Variants in TYK2 observed in about 807,000 individuals in gnomAD.
TYK2 encodes the protein non-receptor tyrosine-protein kinase TYK2.
A neutral mutation model predicts 130.9 loss-of-function variants in TYK2; 65 were observed. That is an observed-to-expected ratio of 0.50 (90% CI 0.41 to 0.61). The LOEUF (loss-of-function observed/expected upper bound fraction) is 0.61, where lower values mean the gene tolerates loss of function less well. Ranked by LOEUF, TYK2 falls within the 20% of genes least tolerant of loss-of-function variation. The pLI, the probability that TYK2 is intolerant of heterozygous loss-of-function variation, is 0.00. For missense variants in TYK2, 1,378 were observed against 1,610.7 expected, an observed-to-expected ratio of 0.86 and a Z score of 2.47; for synonymous variants, 647 against 658.9, an observed-to-expected ratio of 0.98 and a Z score of 0.28.
chr19:10,367,624 C>CA (rs1028108393), intron 5 of TYK2, among the ~76,000 whole-genome samples: 35 of 146,034 alleles, frequency 2.4e-4, no homozygotes, highest in African/African-American at 3.5e-4. Context: ...GACTCCATTT[C>CA]AAAAAAAAAA....
At chr19:10,363,765 C>T (rs1326158094) in intron 9 of TYK2, among the ~76,000 whole-genome samples, 6 of 152,214 alleles carry the variant, frequency 3.9e-5, no homozygotes, top group African/African-American at 7.2e-5. Flanking sequence ...GTCCAGACAC[C>T]TACATGTGCA....
chr19:10,359,415 G>C, intron 14 of TYK2, 113 bp from the exon 15 acceptor site: 1 of 1,311,294 alleles, frequency 7.6e-7, no homozygotes, highest in Non-Finnish European at 1.1e-6. Context: ...AGGTGTCAGG[G>C]CAGAGGTGTG....
At chr19:10,376,533 C>T (rs1284305780) in intron 3 of TYK2, among the ~76,000 whole-genome samples, 2 of 122,998 alleles carry the variant, frequency 1.6e-5, no homozygotes, top group East Asian at 4.7e-4. Context: ...GTCTTGAACT[C>T]CTGATCTCAG....
At position 10,356,712 on chromosome 19, in the gene TYK2, G is replaced by A. The variant is rs1271530022; in HGVS notation, c.2473C>T (p.His825Tyr). 2 of 1,606,968 alleles carry A rather than the reference G, an allele frequency of 1.2e-6. No individual in the cohort carries two copies. Among genetic ancestry groups the A allele is most frequent in the Non-Finnish European group, 8.5e-7 (1 of 1,177,062 alleles). ...AGCCGGTGCTGCCTCTGGTAGAAAT[G>A]CTCCTTCTGTTGGGAAAGGGACCCA... ...LQSRSPSEKE[H>Y]FYQRQHRLPE... Residue 825 changes from histidine to tyrosine, a missense_variant, in exon 18 of 25, where the codon CAT (histidine) becomes TAT (tyrosine). Physicochemically the swap from His to Tyr is moderately conservative, Grantham distance 83 (BLOSUM62 2). Transcript: ENST00000525621.
chr19:10,371,359 G>A (rs1175650039), intron 3 of TYK2, among the ~76,000 whole-genome samples: 1 of 151,726 alleles, frequency 6.6e-6, no homozygotes, highest in Non-Finnish European at 1.5e-5. Flanking sequence ...TATGAACTGT[G>A]GCTGGGCACA....
intron 3 of TYK2, among the ~76,000 whole-genome samples, chr19:10,377,060 C>A (rs2042146203): frequency 1.3e-5 from 2 of 152,012 alleles, no homozygotes; most frequent in South Asian, 4.1e-4. Flanking sequence ...TACCACCATG[C>A]CTGGCTAATT....
Position 10,357,826 on chromosome 19 carries a change from C to T in TYK2, c.2404G>A (p.Ala802Thr), listed in dbSNP as rs148148659. ...STAMDKWGFGATLLEICFDGE... is the reference protein window; with the variant it reads ...STAMDKWGFGTTLLEICFDGE... The stretch of plus-strand genomic sequence containing the variant: ...TCAAAGCAGATCTCCAGGAGGGTGG[C>T]GCCAAACCCCCACTTGTCCATGGCG... Residue 802 changes from alanine to threonine, a missense_variant, in exon 17 of 25, where the codon GCC (alanine) becomes ACC (threonine). Transcript: ENST00000525621. 36 of 1,613,572 alleles carry T rather than the reference C, an allele frequency of 2.2e-5. No homozygotes were observed. Among genetic ancestry groups the T allele is most frequent in the South Asian group, 1.1e-4 (10 of 91,088 alleles).
chr19:10,379,105 C>T (rs775709888), intron 2 of TYK2, among the ~76,000 whole-genome samples: 3 of 151,988 alleles, frequency 2.0e-5, no homozygotes, highest in Non-Finnish European at 4.4e-5. Context: ...GTGATCCACC[C>T]GCCTCGGCCT....
Position 10,361,118 on chromosome 19 carries a change from C to A in TYK2, c.2047+393G>T. ...GTGGGGTTAGGCAGGGTTGGATGTGCAGGGGCTGAGGCCTAGGAGAATCAG... is the reference window on the plus strand; with the variant it reads ...GTGGGGTTAGGCAGGGTTGGATGTGAAGGGGCTGAGGCCTAGGAGAATCAG... On this transcript the variant is annotated intron_variant, in intron 14 of 24. Coordinates refer to ENST00000525621, the MANE Select transcript of TYK2 (RefSeq NM_003331.5). This position sits in a 1 kb window ranked among gnomAD's most constrained non-coding sequence, Gnocchi z 4.0. The A allele has an allele frequency of 4.1e-6, 2 of 491,646 alleles. No individual in the cohort carries two copies. Among genetic ancestry groups the A allele is most frequent in the South Asian group, 1.6e-5 (1 of 61,522 alleles). 30.5% of individuals were successfully genotyped at this position (491,646 alleles called of 1,614,324 possible).
rs377517686 is a variant in TYK2 at position 10,365,505 on chromosome 19, C to A, written c.1011+12G>T. On this transcript the variant is annotated intron_variant, in intron 7 of 24. Transcript: ENST00000525621. ...ACCTGAACCCCCAGGGCGGAAGGGG[C>A]GCCTTGCTCACCTCCTCCTTGTTCA... 1.4e-5 allele frequency: 23 copies of A among 1,613,488 alleles called. No individual in the cohort carries two copies. The highest frequency in any genetic ancestry group is 5.0e-5 in the Admixed American group (3 of 60,000).
Position 10,362,249 on chromosome 19 carries a change from C to T in TYK2, c.1669+15G>A. 1 of 1,613,564 alleles carries T rather than the reference C, an allele frequency of 6.2e-7. No individual in the cohort carries two copies. Among genetic ancestry groups the T allele is most frequent in the Non-Finnish European group, 8.5e-7 (1 of 1,179,568 alleles). On this transcript the variant is annotated intron_variant, in intron 11 of 24. Transcript: ENST00000525621. ...AGATGCCACATCCCACCCAGAGGTC[C>T]CCCTATCATCGTACCTCCTGGTTGG...
At position 10,379,723 on chromosome 19, in the gene TYK2, A is replaced by G. The variant is rs940401573; in HGVS notation, c.-129T>C. On this transcript the variant is annotated 5_prime_UTR_variant, in exon 2 of 25. Transcript: ENST00000525621. ...GGGAGGTCCTCAGGGTGTTGCCATC[A>G]AAAGATGGTTGTAATGTTTCAATAT... 6.6e-6 allele frequency: 1 copy of G among 152,250 alleles called. No homozygotes were observed. The highest frequency in any genetic ancestry group is 3.2e-3 in the Middle Eastern group (1 of 316). 9.4% of individuals were successfully genotyped at this position (152,250 alleles called of 1,614,324 possible).
chr19:10,356,809 G>A (rs191473709), intron 17 of TYK2, 91 bp from the exon 18 acceptor site: 81 of 1,353,640 alleles, frequency 6.0e-5, no homozygotes, highest in African/African-American at 2.3e-4. Flanking sequence ...AGAGTGGACC[G>A]CCAGGTGCCC....
chr19:10,353,442 G>T lies in TYK2; in HGVS notation c.3027+86C>A. ...GGGCAAACGAGCAGGGGCGGAGCGT[G>T]AGAGCAGACTGCACCGGATCGCTCA... On this transcript the variant is annotated intron_variant, in intron 21 of 24. Transcript: ENST00000525621. The surrounding 1 kb of genome is among the most constrained non-coding windows in gnomAD (Gnocchi z 6.9). The T allele has an allele frequency of 2.1e-6, 2 of 951,750 alleles. No homozygotes were observed. Among genetic ancestry groups the T allele is most frequent in the Non-Finnish European group, 3.0e-6 (2 of 663,302 alleles). The allele number at this position is 951,750 out of a possible 1,614,324, so 59.0% of individuals were successfully genotyped here. A position where few individuals can be genotyped will look rare whatever the true frequency, so the allele number is the denominator to read the frequency against.
At chr19:10,352,699 C>T in intron 22 of TYK2, 148 bp from the exon 23 acceptor site, 2 of 721,376 alleles carry the variant, frequency 2.8e-6, no homozygotes, top group Non-Finnish European at 4.6e-6. Flanking sequence ...GGGTGATATG[C>T]TCATTGGCTA....
rs770604675 is a variant in TYK2, at chr19:10,364,659, G to T, written c.1322C>A (p.Pro441Gln). The T allele has an allele frequency of 3.1e-6, 5 of 1,613,786 alleles. No homozygotes were observed. The highest frequency in any genetic ancestry group is 1.7e-6 in the Non-Finnish European group (2 of 1,179,996). ...ATCCCGGATGCTCATCACCAGCCGT[G>T]GGGGAGCCACCTCGTGGCACAGGTA... ...SHYLCHEVAP[P>Q]RLVMSIRDGI... Residue 441 changes from proline (P) to glutamine (Q), a missense_variant, in exon 9 of 25, where the codon CCA becomes CAA. Transcript: ENST00000525621. This position sits in a 1 kb window ranked among gnomAD's most constrained non-coding sequence, Gnocchi z 4.9.
chr19:10,359,404 G>A, intron 14 of TYK2, 102 bp from the exon 15 acceptor site: 1 of 1,424,370 alleles, frequency 7.0e-7, no homozygotes, highest in Non-Finnish European at 9.6e-7. Flanking sequence ...TGTGGCTGGG[G>A]AGGTGTCAGG....
chr19:10,376,159 C>A (rs1480430063), intron 3 of TYK2, among the ~76,000 whole-genome samples: 1 of 151,622 alleles, frequency 6.6e-6, no homozygotes, highest in Non-Finnish European at 1.5e-5. Context: ...ATTGCAGGCA[C>A]CTGCCACCAT....
At position 10,353,913 on chromosome 19, in the gene TYK2, G is replaced by T; in HGVS notation, c.2908+129C>A. On this transcript the variant is annotated intron_variant, in intron 20 of 24. Coordinates refer to ENST00000525621, the MANE Select transcript of TYK2 (RefSeq NM_003331.5). This position sits in a 1 kb window ranked among gnomAD's most constrained non-coding sequence, Gnocchi z 6.9. ...CCAGCCACGCTCACCCAGATGCCAA[G>T]AACCGCGTACTGCAGCCTGGGGTTG... 9.6e-7 allele frequency: 1 copy of T among 1,044,854 alleles called. No individual in the cohort carries two copies. The highest frequency in any genetic ancestry group is 1.4e-6 in the Non-Finnish European group (1 of 699,506). 64.7% of individuals were successfully genotyped at this position (1,044,854 alleles called of 1,614,324 possible).
Sources: gnomAD v4.1 joint callset for allele counts (sites outside exome capture counted in the v4.1 genomes callset) on GRCh38, gnomAD v4.1.1 for gene constraint, Gnocchi (gnomAD v3.1) non-coding constraint, MANE v1.5 for transcripts, NCBI Gene and HGNC (gene_info 2026-07-23, HGNC 2026-07-21) for gene names.